Variants in AP2A2 observed in about 807,000 individuals in gnomAD.
AP2A2 encodes the protein adaptor related protein complex 2 subunit alpha 2, also known as AP-2 complex subunit alpha-2.
AP2A2 carries 32 observed loss-of-function variants against 104.2 expected under a neutral mutation model. The observed-to-expected ratio is 0.31, with a 90% CI of 0.23 to 0.41. AP2A2 has a LOEUF of 0.41. Among genes scored for constraint, AP2A2 ranks in the 10% least tolerant of loss-of-function variants. The pLI is 1.00. For synonymous variants in AP2A2, 539 were observed against 533.3 expected, an observed-to-expected ratio of 1.01 and a Z score of -0.15; for missense variants, 912 against 1,261.0, an observed-to-expected ratio of 0.72 and a Z score of 4.19.
At chr11:1,006,480 G>GT in intron 16 of AP2A2, 48 bp from the exon 17 acceptor site, 2 of 1,303,754 alleles carry the variant, frequency 1.5e-6, no homozygotes, top group South Asian at 2.4e-5. Context: ...AATATTCAGG[G>GT]TAAGTGTGAA....
At chr11:952,509 T>C (rs117216314) in intron 1 of AP2A2, among the ~76,000 whole-genome samples, 10,400 of 152,310 alleles carry the variant, frequency 0.068, 435 homozygotes, top group South Asian at 0.11. Flanking sequence ...AGCTATGGCA[T>C]GTCCAGGTTA....
intron 3 of AP2A2, among the ~76,000 whole-genome samples, chr11:971,249 G>A (rs1234213728): frequency 6.6e-6 from 1 of 152,062 alleles, no homozygotes; most frequent in African/African-American, 2.4e-5. Flanking sequence ...TTTGAGAGAG[G>A]GAGTGGAGGT....
At position 993,258 on chromosome 11, in the gene AP2A2, C is replaced by T. The variant is rs770559778; in HGVS notation, c.1453-26C>T. 6.3e-7 allele frequency: 1 copy of T among 1,585,302 alleles called. No individual in the cohort carries two copies. The highest frequency in any genetic ancestry group is 8.6e-7 in the Non-Finnish European group (1 of 1,167,180). The stretch of plus-strand genomic sequence containing the variant: ...CTTAACTCTGGCACCTGGCTGCCAC[C>T]CCGGCTCATTGTTTGTGCTTCGCAG... On this transcript the variant is annotated intron_variant, in intron 11 of 21. Coordinates refer to ENST00000448903, the MANE Select transcript of AP2A2 (RefSeq NM_012305.4). This position sits in a 1 kb window ranked among gnomAD's most constrained non-coding sequence, Gnocchi z 8.2.
chr11:1,000,962 T>C (rs923188273), intron 15 of AP2A2, among the ~76,000 whole-genome samples: 1 of 152,202 alleles, frequency 6.6e-6, no homozygotes, highest in African/African-American at 2.4e-5. Flanking sequence ...TTCGCCTCTT[T>C]CCTGTCTAGT....
At chr11:938,834 T>C (rs1369415402) in intron 1 of AP2A2, among the ~76,000 whole-genome samples, 3 of 152,200 alleles carry the variant, frequency 2.0e-5, no homozygotes, top group Non-Finnish European at 4.4e-5. Context: ...TATGAAAATG[T>C]TGATATGTTT....
At chr11:952,005 A>G (rs959469400) in intron 1 of AP2A2, among the ~76,000 whole-genome samples, 1 of 151,986 alleles carries the variant, frequency 6.6e-6, no homozygotes, top group African/African-American at 2.4e-5. Flanking sequence ...AGTAGCTGGG[A>G]CCACAGGCAT....
Position 1,011,449 on chromosome 11 carries a change from C to T in AP2A2, c.*824C>T, listed in dbSNP as rs1346448220. On this transcript the variant is annotated 3_prime_UTR_variant, in exon 22 of 22. Coordinates refer to ENST00000448903, the MANE Select transcript of AP2A2 (RefSeq NM_012305.4). Reference sequence around the variant, plus strand: ...GCCACGGTGCAGGCCTGAGTCCTTCCACCGGCCCCGTCCAGTCGTCCCTGG... The same window carrying T: ...GCCACGGTGCAGGCCTGAGTCCTTCTACCGGCCCCGTCCAGTCGTCCCTGG... 2.0e-6 allele frequency: 1 copy of T among 496,578 alleles called. No homozygotes were observed. Among genetic ancestry groups the T allele is most frequent in the Non-Finnish European group, 4.0e-6 (1 of 249,092 alleles). The allele number at this position is 496,578 out of a possible 1,614,324, so 30.8% of individuals were successfully genotyped here.
At chr11:959,133 G>A (rs1228529781) in intron 1 of AP2A2, among the ~76,000 whole-genome samples, 1 of 152,232 alleles carries the variant, frequency 6.6e-6, no homozygotes, top group African/African-American at 2.4e-5. Context: ...AAGAGGTAGA[G>A]TTAGAAATGG....
At chr11:935,324 T>A (rs2134462051) in intron 1 of AP2A2, among the ~76,000 whole-genome samples, 1 of 152,284 alleles carries the variant, frequency 6.6e-6, no homozygotes, top group African/African-American at 2.4e-5. Context: ...CCCAAAATGC[T>A]GGGATTACAG....
At chr11:957,866 G>A (rs971768978) in intron 1 of AP2A2, among the ~76,000 whole-genome samples, 4 of 152,226 alleles carry the variant, frequency 2.6e-5, no homozygotes, top group Non-Finnish European at 5.9e-5. Flanking sequence ...TGTGTCTTCC[G>A]TGAGGGTAAC....
intron 16 of AP2A2, among the ~76,000 whole-genome samples, chr11:1,004,026 G>C (rs377273426): frequency 1.3e-5 from 2 of 152,056 alleles, no homozygotes; most frequent in African/African-American, 4.8e-5. Context: ...GCGGGGAGGT[G>C]GGGGTGGGTG....
rs981171977 is a variant in AP2A2, at chr11:968,453, C to G, written c.137-1716C>G. Among the ~76,000 whole-genome samples, 1 of 141,322 alleles carries G rather than the reference C, an allele frequency of 7.1e-6. No individual in the cohort carries two copies. The highest frequency in any genetic ancestry group is 2.6e-5 in the African/African-American group (1 of 39,098). 92.7% of individuals were successfully genotyped at this position (141,322 alleles called of 152,430 possible). A position where few individuals can be genotyped will look rare whatever the true frequency, so the allele number is the denominator to read the frequency against. ...CTGTTCCCATCCCCGTCTCCATCCC[C>G]GTCCCCATCCCTGTCCCACAAAACT... On this transcript the variant is annotated intron_variant, in intron 2 of 21. Transcript: ENST00000448903. The surrounding 1 kb of genome is among the most constrained non-coding windows in gnomAD (Gnocchi z 4.2).
chr11:982,197 C>T (rs1421698198), intron 6 of AP2A2, among the ~76,000 whole-genome samples: 5 of 152,096 alleles, frequency 3.3e-5, no homozygotes, highest in Non-Finnish European at 5.9e-5. Context: ...ATTACAGGCA[C>T]CCACCACCAA....
At chr11:957,594 A>T (rs1854280540) in intron 1 of AP2A2, among the ~76,000 whole-genome samples, 2 of 152,202 alleles carry the variant, frequency 1.3e-5, no homozygotes. Flanking sequence ...GGGAAAAAAT[A>T]ACAAGAGCTG....
At chr11:974,094 G>T (rs1410289347) in intron 4 of AP2A2, among the ~76,000 whole-genome samples, 2 of 152,228 alleles carry the variant, frequency 1.3e-5, no homozygotes, top group African/African-American at 4.8e-5. Context: ...TGCATCTGCG[G>T]CTGGAAGGGA....
At chr11:966,385 C>T (rs528718449) in intron 2 of AP2A2, among the ~76,000 whole-genome samples, 1 of 152,246 alleles carries the variant, frequency 6.6e-6, no homozygotes, top group East Asian at 1.9e-4. Context: ...GTGGTCCCAG[C>T]CACTTGGGAG....
intron 15 of AP2A2, 82 bp from the exon 16 acceptor site, chr11:1,003,640 C>T: frequency 1.2e-6 from 1 of 860,114 alleles, no homozygotes; most frequent in South Asian, 2.0e-5. Context: ...CCTCCTCGTG[C>T]TGTGAGTTTT....
intron 15 of AP2A2, among the ~76,000 whole-genome samples, chr11:1,002,533 C>T (rs1019527502): frequency 2.0e-5 from 3 of 152,268 alleles, no homozygotes; most frequent in African/African-American, 7.2e-5. Context: ...CAGAGGTGTG[C>T]GCAGGGACTG....
intron 4 of AP2A2, among the ~76,000 whole-genome samples, chr11:973,089 G>A (rs1174202930): frequency 2.6e-5 from 4 of 152,228 alleles, no homozygotes; most frequent in African/African-American, 7.2e-5. Context: ...CTGACCCCTC[G>A]CCCACACGGT....
Sources: allele counts gnomAD v4.1 joint callset (sites outside exome capture counted in the v4.1 genomes callset), GRCh38; gene constraint gnomAD v4.1.1; non-coding constraint Gnocchi (gnomAD v3.1); transcripts MANE v1.5; gene names NCBI Gene and HGNC (gene_info 2026-07-23, HGNC 2026-07-21).